RPS6KA2: variants seen among roughly 807,000 people sequenced by gnomAD.
RPS6KA2 encodes ribosomal protein S6 kinase alpha-2.
Under a neutral mutation model 91.8 loss-of-function variants are expected in RPS6KA2, and 42 were observed. The ratio of observed to expected loss-of-function variants is 0.46; its 90% CI spans 0.36 to 0.59. The LOEUF is 0.59. Among genes scored for constraint, RPS6KA2 ranks in the 20% least tolerant of loss-of-function variants. RPS6KA2 has a pLI of 0.00. For missense variants in RPS6KA2, 798 were observed against 978.5 expected (o/e 0.82, Z 2.46); for synonymous variants, 414 against 393.6 (o/e 1.05, Z -0.61).
chr6:166,728,131 C>G (rs995131742), intron 2 of RPS6KA2, among the ~76,000 whole-genome samples: 1 of 152,168 alleles, frequency 6.6e-6, no homozygotes, highest in Non-Finnish European at 1.5e-5. Context: ...AATACCATGC[C>G]ATTTTATAGG....
At chr6:166,458,875 A>G (rs1780185746) in intron 12 of RPS6KA2, among the ~76,000 whole-genome samples, 1 of 152,360 alleles carries the variant, frequency 6.6e-6, no homozygotes, top group East Asian at 1.9e-4. Context: ...GCAGACTTTA[A>G]TTCATTAATA....
chr6:166,512,735 C>G (rs370628831), intron 3 of RPS6KA2, among the ~76,000 whole-genome samples: 1 of 152,200 alleles, frequency 6.6e-6, no homozygotes, highest in Non-Finnish European at 1.5e-5. Context: ...ATATACAAAC[C>G]GGATGAGATG....
intron 2 of RPS6KA2, among the ~76,000 whole-genome samples, chr6:166,819,795 G>A (rs971820402): frequency 6.6e-6 from 1 of 152,210 alleles, no homozygotes; most frequent in African/African-American, 2.4e-5. Context: ...ATAACTGGCT[G>A]TATGAATAAT....
intron 2 of RPS6KA2, among the ~76,000 whole-genome samples, chr6:166,812,182 C>A (rs1007748366): frequency 2.0e-5 from 3 of 152,058 alleles, no homozygotes; most frequent in Non-Finnish European, 2.9e-5. Context: ...ATGGTGAAAC[C>A]CTGTCTCTAC....
In RPS6KA2 at chr6:166,531,240, G is replaced by A. The variant is rs767869031; in HGVS notation, c.290C>T (p.Thr97Ile). Residue 97 changes from threonine (T) to isoleucine (I), a missense_variant, in exon 3 of 21, where the codon ACC becomes ATC. By Grantham distance (89) the Thr-to-Ile change is moderately conservative (BLOSUM62 -1). Coordinates refer to ENST00000265678, the MANE Select transcript of RPS6KA2 (RefSeq NM_021135.6). ...LYAMKVLKKA[T>I]LKVRDRVRSK... ...CCTTCCGAAGCTCTTACCTTTTAGG[G>A]TGGCTTTCTTAAGGACCTTCATGGC... is the stretch of plus-strand genomic sequence containing the variant. 2.7e-5 allele frequency: 43 copies of A among 1,613,302 alleles called. No homozygotes were observed. Among genetic ancestry groups the A allele is most frequent in the South Asian group, 1.1e-5 (1 of 91,064 alleles).
At chr6:166,862,703 CGG>C (rs34038936), upstream of RPS6KA2, 29,205 of 121,390 alleles carry the variant, frequency 0.24, 4,665 homozygotes, top group African/African-American at 0.47. Flanking sequence ...GCTGGGGAGG[CGG>C]GGGGGGGGGG....
At chr6:166,713,902 C>G (rs1163382807) in intron 2 of RPS6KA2, among the ~76,000 whole-genome samples, 1 of 152,166 alleles carries the variant, frequency 6.6e-6, no homozygotes, top group African/African-American at 2.4e-5. Flanking sequence ...TCAGCGGTCA[C>G]CACACCCTGT....
rs531506102 is a variant in RPS6KA2 at position 166,701,102 on chromosome 6, G to A, written c.123+157098C>T. On this transcript the variant is annotated intron_variant, in intron 2 of 21. Transcript: ENST00000503859. ...GGGCTGTTTCCTGAGCCTTACTTCC[G>A]TCTTGACTGAGGTGGTCCACTTTGC... 4.0e-5 allele frequency: 64 copies of A among 1,608,712 alleles called. 1 individual carries two copies. Among genetic ancestry groups the A allele is most frequent in the South Asian group, 1.9e-4 (17 of 90,948 alleles).
exon 1 of RPS6KA2, chr6:166,862,340 T>C: frequency 6.8e-7 from 1 of 1,465,406 alleles, no homozygotes. Context: ...GAGGAGGTCG[T>C]GAGCGCGGGG....
Position 166,479,362 on chromosome 6 carries a change from C to T in RPS6KA2, c.908-9457G>A, listed in dbSNP as rs535811073. On this transcript the variant is annotated intron_variant, in intron 10 of 20. Transcript: ENST00000265678. Reference sequence around the variant, plus strand: ...AGAGCCATGAGAAAGGGGCAGCAGGCGATGCTGGGGACAGGCGGTGGCCCC... The same window carrying T: ...AGAGCCATGAGAAAGGGGCAGCAGGTGATGCTGGGGACAGGCGGTGGCCCC... 7.9e-5 allele frequency among the ~76,000 whole-genome samples: 12 copies of T among 152,364 alleles called. No individual in the cohort carries two copies. The South Asian group carries it at 2.3e-3, about 29-fold the overall frequency.
rs547720088 is a variant in RPS6KA2 at position 166,650,863 on chromosome 6, T to C, written c.124-112079A>G. 1.2e-4 allele frequency among the ~76,000 whole-genome samples: 19 copies of C among 152,358 alleles called. No homozygotes were observed. In the East Asian group the frequency reaches 3.7e-3, roughly 29 times the overall value. ...CTCGTTTGGGCAGGTGAGAGGGATT[T>C]GAGGTGACTGAACAGAACCCATGAG... On this transcript the variant is annotated intron_variant, in intron 2 of 21. Transcript: ENST00000503859.
At chr6:166,586,352 T>C in intron 1 of RPS6KA2, 1 of 1,599,592 alleles carries the variant, frequency 6.3e-7, no homozygotes, top group Admixed American at 1.7e-5. Flanking sequence ...TGCTATTCCA[T>C]TCCTCAACAA....
At chr6:166,541,962 A>G (rs1583260552) in intron 1 of RPS6KA2, among the ~76,000 whole-genome samples, 1 of 152,208 alleles carries the variant, frequency 6.6e-6, no homozygotes, top group African/African-American at 2.4e-5. Context: ...TGAGGCGTCA[A>G]TGGAAAAAAA....
At chr6:166,667,653 A>T (rs1457652232) in intron 2 of RPS6KA2, among the ~76,000 whole-genome samples, 1 of 152,218 alleles carries the variant, frequency 6.6e-6, no homozygotes, top group Non-Finnish European at 1.5e-5. Context: ...TAAGAGAGTG[A>T]CTGTGCACCC....
rs1460099001 is a variant in RPS6KA2, at chr6:166,459,704, T to C, written c.973-153A>G. ...GATTACAAGGGATTTCTAAATACTC[T>C]GAAATATAGATGGCATAAAATATAT... On this transcript the variant is annotated intron_variant, in intron 11 of 20. Coordinates refer to ENST00000265678, the MANE Select transcript of RPS6KA2 (RefSeq NM_021135.6). The surrounding 1 kb of genome is among the most constrained non-coding windows in gnomAD (Gnocchi z 4.9). Among the ~76,000 whole-genome samples, 1 of 152,156 alleles carries C rather than the reference T, an allele frequency of 6.6e-6. No homozygotes were observed. The highest frequency in any genetic ancestry group is 1.5e-5 in the Non-Finnish European group (1 of 68,028).
intron 11 of RPS6KA2, chr6:166,463,234 G>A (rs968022503): frequency 6.6e-6 from 1 of 152,248 alleles, no homozygotes; most frequent in African/African-American, 2.4e-5. Context: ...TGAGGCTTTG[G>A]GGGAGAAGTC....
At chr6:166,510,552 C>CATA (rs59484347) in intron 3 of RPS6KA2, among the ~76,000 whole-genome samples, 195 bp from the exon 4 acceptor site, 16 of 66,498 alleles carry the variant, frequency 2.4e-4, no homozygotes, top group African/African-American at 8.8e-4. Context: ...CTTTCTCTCT[C>CATA]TCATATATAT....
In RPS6KA2 at chr6:166,713,426, G is replaced by A. The variant is rs1789923521; in HGVS notation, c.123+144774C>T. Among the ~76,000 whole-genome samples, 4 of 152,244 alleles carry A rather than the reference G, an allele frequency of 2.6e-5. No homozygotes were observed. In the South Asian group the frequency reaches 8.3e-4, roughly 32 times the overall value. On this transcript the variant is annotated intron_variant, in intron 2 of 21. Coordinates refer to the RPS6KA2 transcript ENST00000503859. ...AAGAAAGAGCAGATTGTTGTGAACA[G>A]TTGGTGGGATATCTATGCAGATAGA... is the stretch of plus-strand genomic sequence containing the variant.
At chr6:166,486,752 A>T (rs1415029091) in intron 10 of RPS6KA2, among the ~76,000 whole-genome samples, 1 of 148,058 alleles carries the variant, frequency 6.8e-6, no homozygotes, top group Non-Finnish European at 1.5e-5. Flanking sequence ...CTCTCCAGCC[A>T]TGTGGGCTGC....
Sources: allele counts gnomAD v4.1 joint callset (sites outside exome capture counted in the v4.1 genomes callset), GRCh38; gene constraint gnomAD v4.1.1; non-coding constraint Gnocchi (gnomAD v3.1); transcripts MANE v1.5; gene names NCBI Gene and HGNC (gene_info 2026-07-23, HGNC 2026-07-21).